Variants in TNPO3 observed in about 807,000 individuals in gnomAD.
The protein encoded by TNPO3 is transportin-3.
Under a neutral mutation model 122.8 loss-of-function variants are expected in TNPO3, and 65 were observed. The ratio of observed to expected loss-of-function variants is 0.53; its 90% CI spans 0.43 to 0.65. The LOEUF is 0.65. Among genes scored for constraint, TNPO3 ranks in the 30% least tolerant of loss-of-function variants. The probability of loss-of-function intolerance (pLI) is 0.00; values close to 1 mark genes in which losing one functional copy is unlikely to be tolerated. For missense variants in TNPO3, 850 were observed against 1,136.7 expected (o/e 0.75, Z 3.63); for synonymous variants, 372 against 411.2 (o/e 0.90, Z 1.15).
intron 1 of TNPO3, chr7:129,041,795 T>C: frequency 4.3e-6 from 4 of 921,054 alleles, no homozygotes; most frequent in Non-Finnish European, 5.2e-6. Flanking sequence ...GAACAGGCCT[T>C]TATATCAGTC....
chr7:129,003,663 T>C (rs1802254738), intron 5 of TNPO3, among the ~76,000 whole-genome samples: 1 of 152,072 alleles, frequency 6.6e-6, no homozygotes, highest in South Asian at 2.1e-4. Flanking sequence ...GGAGACACCC[T>C]GACTCCCTGT....
At chr7:128,967,547 T>G (rs1798042318) in intron 20 of TNPO3, among the ~76,000 whole-genome samples, 155 bp from the exon 21 acceptor site, 1 of 152,254 alleles carries the variant, frequency 6.6e-6, no homozygotes, top group Non-Finnish European at 1.5e-5. Context: ...GTGCTCTCAT[T>G]AGCCCTTCAA....
At chr7:129,043,299 G>T (rs1807622416) in intron 1 of TNPO3, among the ~76,000 whole-genome samples, 1 of 151,890 alleles carries the variant, frequency 6.6e-6, no homozygotes. Context: ...GCTTCAGGGG[G>T]TGGGGGTAGG....
At chr7:129,029,733 A>G (rs188273027) in intron 1 of TNPO3, 2 of 152,288 alleles carry the variant, frequency 1.3e-5, no homozygotes. Context: ...ATATTAAAAG[A>G]ACAGACAGGG....
chr7:128,979,851 A>G (rs1363027698), intron 15 of TNPO3, 120 bp downstream of exon 15: 1 of 883,412 alleles, frequency 1.1e-6, no homozygotes, highest in Non-Finnish European at 1.9e-6. Flanking sequence ...TTGAAACCAC[A>G]TCAACAAACT....
Position 128,984,248 on chromosome 7 carries a change from C to T in TNPO3, c.1702G>A (p.Val568Ile). Reference sequence around the variant, plus strand: ...TTATCCAAAGGTAATCGGGCTAGGACAAGTGCTGTCCCTGAAAAACAAAGG... The same window carrying T: ...TTATCCAAAGGTAATCGGGCTAGGATAAGTGCTGTCCCTGAAAAACAAAGG... ...AVGLLKGTAL[V>I]LARLPLDKIT... is the part of the protein sequence containing the mutation. The change falls in exon 13 of 23, where the codon GTC becomes ATC. Residue 568 changes from valine (V) to isoleucine (I), a missense_variant. Val to Ile is a conservative substitution (Grantham distance 29). Transcript: ENST00000265388. 1 of 1,610,328 alleles carries T rather than the reference C, an allele frequency of 6.2e-7. No individual in the cohort carries two copies. The highest frequency in any genetic ancestry group is 2.2e-5 in the East Asian group (1 of 44,762).
In TNPO3 at chr7:129,024,694, C is replaced by G. The variant is rs144210204; in HGVS notation, c.121-6537G>C. 1.7e-3 allele frequency among the ~76,000 whole-genome samples: 260 copies of G among 152,316 alleles called. 3 individuals are homozygous for G. The highest frequency in any genetic ancestry group is 5.7e-3 in the African/African-American group (237 of 41,582). ...TCAGCAAAATCCACTGTGGGAAACT[C>G]TATAGGTCAAATGGCCCTGATACTT... On this transcript the variant is annotated intron_variant, in intron 1 of 22. Coordinates refer to ENST00000265388, the MANE Select transcript of TNPO3 (RefSeq NM_012470.4).
chr7:128,996,729 C>A (rs370644982), intron 8 of TNPO3, among the ~76,000 whole-genome samples: 4 of 113,324 alleles, frequency 3.5e-5, no homozygotes, highest in Non-Finnish European at 6.6e-5. Context: ...GGTGACAGAG[C>A]GAGACTCCGT....
chr7:129,021,289 T>C (rs1804478565), intron 1 of TNPO3, among the ~76,000 whole-genome samples: 1 of 147,836 alleles, frequency 6.8e-6, no homozygotes, highest in South Asian at 2.1e-4. Context: ...CGGGAGACGG[T>C]GGTTGCAGTG....
chr7:128,956,860 A>C (rs1037761567), intron 22 of TNPO3, among the ~76,000 whole-genome samples: 10 of 152,200 alleles, frequency 6.6e-5, no homozygotes, highest in African/African-American at 2.4e-4. Flanking sequence ...AGTCAACTTG[A>C]GGTTGTTTTC....
chr7:128,983,707 C>A (rs1029455632), intron 13 of TNPO3, among the ~76,000 whole-genome samples: 4 of 152,162 alleles, frequency 2.6e-5, no homozygotes, highest in African/African-American at 9.7e-5. Context: ...ATCTCTGAAT[C>A]CACTTATGAC....
intron 5 of TNPO3, among the ~76,000 whole-genome samples, chr7:129,002,349 G>A (rs1159684210): frequency 6.6e-6 from 1 of 152,172 alleles, no homozygotes; most frequent in Non-Finnish European, 1.5e-5. Flanking sequence ...TAGATCTAAA[G>A]AACAACTGAT....
chr7:128,989,439 C>T lies in TNPO3; in HGVS notation c.1498+522G>A, dbSNP rs1800524368. On this transcript the variant is annotated intron_variant, in intron 11 of 22. Coordinates refer to ENST00000265388, the MANE Select transcript of TNPO3 (RefSeq NM_012470.4). ...GGAGGTTAGAATAAATCATTTCTAA[C>T]TTTACCTTCAATTCTAAAGTTGTTA... Among the ~76,000 whole-genome samples the T allele has an allele frequency of 2.0e-5, 3 of 152,100 alleles. No homozygotes were observed. In the South Asian group the frequency reaches 6.2e-4, roughly 32 times the overall value.
At chr7:128,985,509 T>C (rs759520397) in intron 12 of TNPO3, among the ~76,000 whole-genome samples, 2 of 152,160 alleles carry the variant, frequency 1.3e-5, no homozygotes, top group African/African-American at 2.4e-5. Context: ...GACACGAGGG[T>C]CACTTGAGTC....
rs564403080 is a variant in TNPO3 at position 129,035,179 on chromosome 7, CAGG to C, written c.121-17025_121-17023del. Among the ~76,000 whole-genome samples, 392 of 152,194 alleles carry C rather than the reference CAGG, an allele frequency of 2.6e-3. 3 individuals carry two copies. Among genetic ancestry groups the C allele is most frequent in the Admixed American group, 5.8e-3 (88 of 15,294 alleles). ...GTCCCAGCTACTCGGGAGGCTGAGG[CAGG>C]AGAATGGCGTGAACCCGGGAGGTGG... On this transcript the variant is annotated intron_variant, in intron 1 of 22. Transcript: ENST00000265388.
At chr7:129,005,792 T>C (rs550986936) in intron 4 of TNPO3, among the ~76,000 whole-genome samples, 1 of 150,000 alleles carries the variant, frequency 6.7e-6, no homozygotes, top group Non-Finnish European at 1.5e-5. Context: ...CTTTTTTTTT[T>C]TTTTTTTGAG....
At chr7:129,021,827 T>A (rs1207486846) in intron 1 of TNPO3, among the ~76,000 whole-genome samples, 1 of 151,410 alleles carries the variant, frequency 6.6e-6, no homozygotes, top group Non-Finnish European at 1.5e-5. Flanking sequence ...GGTAAAAATC[T>A]CAGGAAAAAA....
chr7:128,968,227 A>G (rs1296245392), intron 20 of TNPO3, among the ~76,000 whole-genome samples: 3 of 152,218 alleles, frequency 2.0e-5, no homozygotes, highest in East Asian at 1.9e-4. Context: ...CTCTCTCAGA[A>G]TAAGTCCTAT....
At chr7:129,035,067 G>A (rs928950011) in intron 1 of TNPO3, among the ~76,000 whole-genome samples, 4 of 152,070 alleles carry the variant, frequency 2.6e-5, no homozygotes, top group East Asian at 1.9e-4. Context: ...GAGGTCAGGG[G>A]ATCGAGACCA....
Sources: allele counts gnomAD v4.1 joint callset (sites outside exome capture counted in the v4.1 genomes callset), GRCh38; gene constraint gnomAD v4.1.1; transcripts MANE v1.5; gene names NCBI Gene and HGNC (gene_info 2026-07-23, HGNC 2026-07-21).